Variants in AASS observed in about 807,000 individuals in gnomAD.
The protein encoded by AASS is aminoadipate-semialdehyde synthase, also known as alpha-aminoadipic semialdehyde synthase, mitochondrial.
A neutral mutation model predicts 105.4 loss-of-function variants in AASS; 86 were observed. That is an observed-to-expected ratio of 0.82 (90% confidence interval 0.69 to 0.98). The LOEUF is 0.98. AASS is among the 50% of genes least tolerant of loss of function. AASS has a pLI of 0.00. For synonymous variants in AASS, 381 were observed against 394.8 expected, an observed-to-expected ratio of 0.96 and a Z score of 0.41; for missense variants, 1,048 against 1,143.2, an observed-to-expected ratio of 0.92 and a Z score of 1.20.
Position 122,131,816 on chromosome 7 carries a change from G to T in AASS, c.210+1701C>A, listed in dbSNP as rs545214527. ...TGATGTGGGGCAGGAAAGGTACAAG[G>T]TGAGACTAGGACAATTTGTTATCCT... On this transcript the variant is annotated intron_variant, in intron 2 of 23. Coordinates refer to ENST00000417368, the MANE Select transcript of AASS (RefSeq NM_005763.4). Among the ~76,000 whole-genome samples, 3 of 152,150 alleles carry T rather than the reference G, an allele frequency of 2.0e-5. No individual in the cohort carries two copies. The South Asian group carries it at 6.2e-4, about 32-fold the overall frequency.
chr7:122,104,490 G>A (rs1336647444), intron 11 of AASS, among the ~76,000 whole-genome samples: 1 of 152,048 alleles, frequency 6.6e-6, no homozygotes, highest in Non-Finnish European at 1.5e-5. Flanking sequence ...CATCTACTGG[G>A]GAAGCTGAGG....
chr7:122,138,416 T>C (rs1184713684), intron 1 of AASS, among the ~76,000 whole-genome samples: 1 of 152,154 alleles, frequency 6.6e-6, no homozygotes, highest in Non-Finnish European at 1.5e-5. Context: ...CTAGCAACAA[T>C]AATAAAATAG....
chr7:122,121,686 A>T (rs982725767), intron 4 of AASS, among the ~76,000 whole-genome samples: 7 of 152,134 alleles, frequency 4.6e-5, no homozygotes, highest in African/African-American at 1.4e-4. Context: ...CCTAAAGAAA[A>T]GTTTTAAAAT....
At chr7:122,079,883 A>G (rs371890228) in intron 20 of AASS, among the ~76,000 whole-genome samples, 171 bp from the exon 21 acceptor site, 11 of 152,210 alleles carry the variant, frequency 7.2e-5, no homozygotes, top group African/African-American at 2.7e-4. Flanking sequence ...ACACATCTGC[A>G]TACCTACACA....
At chr7:122,143,040 C>G (rs967979709) in intron 1 of AASS, among the ~76,000 whole-genome samples, 2 of 152,138 alleles carry the variant, frequency 1.3e-5, no homozygotes, top group Non-Finnish European at 2.9e-5. Flanking sequence ...CCAGGTTACA[C>G]AGTCAAGTCA....
Position 122,077,892 on chromosome 7 carries a change from T to C in AASS, c.2608A>G (p.Met870Val), listed in dbSNP as rs2150506178. ...GTGGGTAACCCCACGGTTTTAGCCATGGCTGAAAAGCCATTGATGTCCCCA... is the reference window on the plus strand; with the variant it reads ...GTGGGTAACCCCACGGTTTTAGCCACGGCTGAAAAGCCATTGATGTCCCCA... ...AYGDINGFSA[M>V]AKTVGLPTAM... The change falls in exon 23 of 24, where the codon ATG becomes GTG. Residue 870 changes from methionine (M) to valine (V), a missense_variant. Transcript: ENST00000417368. The C allele has an allele frequency of 6.2e-7, 1 of 1,614,220 alleles. No homozygotes were observed. Among genetic ancestry groups the C allele is most frequent in the Non-Finnish European group, 8.5e-7 (1 of 1,180,030 alleles).
rs565985101 is a variant in AASS at position 122,123,610 on chromosome 7, T to C, written c.472+2765A>G. On this transcript the variant is annotated intron_variant, in intron 4 of 23. Transcript: ENST00000417368. ...CCAATGGGTATGAGCAGAAATAATA[T>C]GTTCAGATTCTTGGTCACATCCTTA... 9.8e-5 allele frequency among the ~76,000 whole-genome samples: 15 copies of C among 152,322 alleles called. No homozygotes were observed. In the South Asian group the frequency reaches 2.9e-3, roughly 29 times the overall value.
rs1394441407 is a variant in AASS, at chr7:122,076,317, T to C, written c.*172A>G. ...TTCTCTGTTAGTGGCTTGCATCTCC[T>C]GTTCCAAACATTTCCATATTAAAAT... On this transcript the variant is annotated 3_prime_UTR_variant, in exon 24 of 24. Coordinates refer to ENST00000417368, the MANE Select transcript of AASS (RefSeq NM_005763.4). The C allele has an allele frequency of 5.0e-6, 3 of 600,480 alleles. No homozygotes were observed. The highest frequency in any genetic ancestry group is 5.9e-6 in the Non-Finnish European group (2 of 338,878). The allele number at this position is 600,480 out of a possible 1,614,324, so 37.2% of individuals were successfully genotyped here. A position where few individuals can be genotyped will look rare whatever the true frequency, so the allele number is the denominator to read the frequency against.
Position 122,098,566 on chromosome 7 carries a change from C to T in AASS, c.1539G>A (p.Met513Ile), listed in dbSNP as rs564539285. 2.5e-6 allele frequency: 4 copies of T among 1,608,258 alleles called. No homozygotes were observed. In the Admixed American group the frequency reaches 6.7e-5, roughly 27 times the overall value. Residue 513 changes from methionine to isoleucine, a missense_variant, in exon 15 of 24, where the codon ATG (methionine) becomes ATA (isoleucine). By Grantham distance (10) the Met-to-Ile change is conservative. Coordinates refer to ENST00000417368, the MANE Select transcript of AASS (RefSeq NM_005763.4). ...TGCCTAACTGTTCAATTTGATTCTT[C>T]ATGTCAGATCCTATTTCAGTAATTA... The part of the protein sequence containing the change: ...GNIEITVGSD[M>I]KNQIEQLGKK...
At chr7:122,132,272 T>C (rs763050776) in intron 2 of AASS, among the ~76,000 whole-genome samples, 12 of 152,128 alleles carry the variant, frequency 7.9e-5, no homozygotes, top group Non-Finnish European at 1.8e-4. Context: ...AATAGAACAG[T>C]TCACAACTCA....
intron 11 of AASS, among the ~76,000 whole-genome samples, chr7:122,110,210 C>A (rs76314060): frequency 6.6e-6 from 1 of 151,198 alleles, no homozygotes; most frequent in African/African-American, 2.4e-5. Flanking sequence ...TGATTTTTTG[C>A]GATGACTAAT....
At chr7:122,116,553 T>C in intron 8 of AASS, 80 bp downstream of exon 8, 1 of 1,573,076 alleles carries the variant, frequency 6.4e-7, no homozygotes, top group Non-Finnish European at 8.7e-7. Context: ...CATTGTACAA[T>C]TCATAATTTC....
At chr7:122,098,888 A>G in intron 13 of AASS, 22 bp from the exon 14 acceptor site, 1 of 1,549,726 alleles carries the variant, frequency 6.5e-7, no homozygotes, top group Non-Finnish European at 8.7e-7. Context: ...AAAAAAAAAA[A>G]AAAAAAAAGG....
At position 122,077,980 on chromosome 7, in the gene AASS, G is replaced by C; in HGVS notation, c.2520C>G (p.Asp840Glu). 1 of 1,614,122 alleles carries C rather than the reference G, an allele frequency of 6.2e-7. No homozygotes were observed. The change falls in exon 23 of 24, where the codon GAC becomes GAG. Residue 840 changes from aspartate to glutamate, a missense_variant. Coordinates refer to ENST00000417368, the MANE Select transcript of AASS (RefSeq NM_005763.4). ...PEEKDMIVMR[D>E]SFGIRHPSGH... ...CAGAAGGATGTCTGATTCCAAAGCTGTCTCTCATCACAATCATATCTTTTT... is the reference window on the plus strand; with the variant it reads ...CAGAAGGATGTCTGATTCCAAAGCTCTCTCTCATCACAATCATATCTTTTT...
intron 19 of AASS, 52 bp downstream of exon 19, chr7:122,085,960 A>G: frequency 6.3e-7 from 1 of 1,591,060 alleles, no homozygotes; most frequent in South Asian, 1.1e-5. Flanking sequence ...AAGTGTACAC[A>G]TCACTTACAT....
chr7:122,090,431 A>T (rs1419786670), intron 18 of AASS, among the ~76,000 whole-genome samples: 2 of 152,168 alleles, frequency 1.3e-5, no homozygotes, highest in African/African-American at 4.8e-5. Flanking sequence ...TTCCAAGCCA[A>T]GTATGAGTTA....
At chr7:122,101,530 C>G in intron 12 of AASS, 91 bp downstream of exon 12, 3 of 1,481,368 alleles carry the variant, frequency 2.0e-6, no homozygotes, top group Non-Finnish European at 9.4e-7. Flanking sequence ...GACAGAATGA[C>G]AAAGATGGAG....
At chr7:122,126,680 G>T (rs1423364472) in intron 3 of AASS, among the ~76,000 whole-genome samples, 1 of 152,060 alleles carries the variant, frequency 6.6e-6, no homozygotes, top group African/African-American at 2.4e-5. Flanking sequence ...TTTGTAGCAG[G>T]TGCTATACCC....
chr7:122,126,845 T>C (rs2150548006), intron 3 of AASS, among the ~76,000 whole-genome samples: 1 of 152,326 alleles, frequency 6.6e-6, no homozygotes, highest in South Asian at 2.1e-4. Context: ...GAGACGAATC[T>C]CTGTGACCTA....
Sources: gnomAD v4.1 joint callset for allele counts (sites outside exome capture counted in the v4.1 genomes callset) on GRCh38, gnomAD v4.1.1 for gene constraint, MANE v1.5 for transcripts, NCBI Gene and HGNC (gene_info 2026-07-23, HGNC 2026-07-21) for gene names.